Variants in PITPNC1 observed in about 807,000 individuals in gnomAD.
PITPNC1 encodes phosphatidylinositol transfer protein cytoplasmic 1, also known as cytoplasmic phosphatidylinositol transfer protein 1.
A neutral mutation model predicts 44.7 loss-of-function variants in PITPNC1; 18 were observed. That is an observed-to-expected ratio of 0.40 (90% CI 0.28 to 0.60). PITPNC1 has a LOEUF of 0.60. Among genes scored for constraint, PITPNC1 ranks in the 20% least tolerant of loss-of-function variants. The pLI, the probability that PITPNC1 is intolerant of heterozygous loss-of-function variation, is 0.39. For missense variants in PITPNC1, 290 were observed against 418.4 expected (o/e 0.69, Z 2.68); for synonymous variants, 141 against 149.6 (o/e 0.94, Z 0.42).
At chr17:67,589,770 C>A (rs1229348182) in intron 5 of PITPNC1, among the ~76,000 whole-genome samples, 1 of 152,106 alleles carries the variant, frequency 6.6e-6, no homozygotes, top group Non-Finnish European at 1.5e-5. Flanking sequence ...GAGTTCGAGA[C>A]CAGCCTGGCC....
At chr17:67,445,417 T>C (rs1753378347) in intron 1 of PITPNC1, among the ~76,000 whole-genome samples, 1 of 152,026 alleles carries the variant, frequency 6.6e-6, no homozygotes, top group South Asian at 2.1e-4. Flanking sequence ...GGGATACCGC[T>C]TTCTGAGCCC....
intron 1 of PITPNC1, among the ~76,000 whole-genome samples, chr17:67,496,734 T>A (rs889279694): frequency 6.6e-6 from 1 of 152,208 alleles, no homozygotes; most frequent in African/African-American, 2.4e-5. Context: ...CACAGAAGGT[T>A]AGCAGAATTA....
intron 4 of PITPNC1, among the ~76,000 whole-genome samples, chr17:67,575,764 CCTTTCTTT>C (rs112409803): frequency 7.5e-6 from 1 of 133,662 alleles, no homozygotes; most frequent in African/African-American, 2.8e-5. Context: ...GAAGAATTTG[CCTTTCTTT>C]CTTTCTTTCT....
At chr17:67,685,987 T>C (rs922510155) in intron 8 of PITPNC1, among the ~76,000 whole-genome samples, 1 of 151,858 alleles carries the variant, frequency 6.6e-6, no homozygotes, top group African/African-American at 2.4e-5. Flanking sequence ...CCCTCCACCA[T>C]GCCCAGCTAA....
At chr17:67,537,043 A>G (rs2040539947) in intron 2 of PITPNC1, among the ~76,000 whole-genome samples, 1 of 152,226 alleles carries the variant, frequency 6.6e-6, no homozygotes, top group South Asian at 2.1e-4. Context: ...TGAAAATACT[A>G]TATAAAACAT....
chr17:67,535,413 G>GCATA (rs1293885805), intron 2 of PITPNC1, among the ~76,000 whole-genome samples: 2 of 152,154 alleles, frequency 1.3e-5, no homozygotes, highest in Non-Finnish European at 2.9e-5. Flanking sequence ...CCATTTCTTG[G>GCATA]CATACAATTG....
intron 1 of PITPNC1, among the ~76,000 whole-genome samples, chr17:67,522,657 A>ATTTTTTT (rs1219049449): frequency 1.7e-5 from 1 of 59,970 alleles, no homozygotes; most frequent in Non-Finnish European, 2.9e-5. Context: ...TACCATTTTA[A>ATTTTTTT]TCTTTTTTTT....
intron 5 of PITPNC1, among the ~76,000 whole-genome samples, chr17:67,623,069 T>C (rs1453426305): frequency 2.1e-5 from 3 of 143,710 alleles, no homozygotes. Context: ...TTTGTTGGCG[T>C]GTCTTCCTCA....
At chr17:67,550,951 C>T (rs918684207) in intron 2 of PITPNC1, among the ~76,000 whole-genome samples, 4 of 152,122 alleles carry the variant, frequency 2.6e-5, no homozygotes, top group African/African-American at 9.7e-5. Flanking sequence ...GTCCCAGCTA[C>T]TCAGGAGGCT....
intron 5 of PITPNC1, among the ~76,000 whole-genome samples, chr17:67,615,677 C>T (rs879721970): frequency 3.3e-5 from 5 of 152,138 alleles, no homozygotes; most frequent in Admixed American, 3.3e-4. Context: ...TCTCCAGGTT[C>T]AATATCGATT....
At chr17:67,594,184 T>A (rs2041429912) in intron 5 of PITPNC1, among the ~76,000 whole-genome samples, 1 of 152,196 alleles carries the variant, frequency 6.6e-6, no homozygotes, top group South Asian at 2.1e-4. Context: ...TAACGGGACT[T>A]CGCTGTTCTG....
intron 2 of PITPNC1, among the ~76,000 whole-genome samples, chr17:67,541,104 A>G (rs529825273): frequency 1.3e-5 from 2 of 152,184 alleles, no homozygotes; most frequent in South Asian, 4.2e-4. Context: ...AATCCCAGCT[A>G]CTCGGGAGGC....
intron 4 of PITPNC1, among the ~76,000 whole-genome samples, chr17:67,571,302 C>T (rs2041053751): frequency 6.6e-6 from 1 of 152,120 alleles, no homozygotes; most frequent in South Asian, 2.1e-4. Context: ...TGTGGTGGTG[C>T]ATGCCTGTGA....
At chr17:67,444,891 G>A (rs1385084616) in intron 1 of PITPNC1, among the ~76,000 whole-genome samples, 2 of 151,606 alleles carry the variant, frequency 1.3e-5, no homozygotes, top group Middle Eastern at 3.4e-3. Flanking sequence ...AGCGAGACTC[G>A]GTCTCAAAAA....
At chr17:67,683,411 T>C (rs980799776) in intron 8 of PITPNC1, among the ~76,000 whole-genome samples, 1 of 152,232 alleles carries the variant, frequency 6.6e-6, no homozygotes, top group African/African-American at 2.4e-5. Context: ...TTTTACCAGC[T>C]AACCTGAACA....
intron 1 of PITPNC1, among the ~76,000 whole-genome samples, chr17:67,393,085 G>A (rs1270222321): frequency 1.3e-5 from 2 of 148,676 alleles, no homozygotes; most frequent in East Asian, 2.0e-4. Flanking sequence ...AGTCAAGATC[G>A]CACCACTGCA....
intron 1 of PITPNC1, among the ~76,000 whole-genome samples, chr17:67,440,818 G>T: frequency 6.6e-6 from 1 of 151,946 alleles, no homozygotes; most frequent in Admixed American, 6.6e-5. Flanking sequence ...AAAGTGCTAG[G>T]ATTACAGACG....
At chr17:67,412,714 C>A (rs1320257249) in intron 1 of PITPNC1, among the ~76,000 whole-genome samples, 1 of 151,974 alleles carries the variant, frequency 6.6e-6, no homozygotes, top group Non-Finnish European at 1.5e-5. Flanking sequence ...TTACAGGCGC[C>A]CACCACCACG....
At chr17:67,405,416 CA>C (rs11288377) in intron 1 of PITPNC1, among the ~76,000 whole-genome samples, 12,159 of 133,166 alleles carry the variant, frequency 0.091, 509 homozygotes, top group African/African-American at 0.13. Flanking sequence ...GACCCTGTCT[CA>C]AAAAAAAAAA....
Sources: gnomAD v4.1 joint callset for allele counts (sites outside exome capture counted in the v4.1 genomes callset) on GRCh38, gnomAD v4.1.1 for gene constraint, MANE v1.5 for transcripts, NCBI Gene and HGNC (gene_info 2026-07-23, HGNC 2026-07-21) for gene names.